The following PLEKHA8 variants were observed in gnomAD, a reference collection of about 807,000 sequenced individuals.
PLEKHA8 encodes pleckstrin homology domain-containing family A member 8.
In PLEKHA8, 36 loss-of-function variants were observed where a neutral mutation model predicts 68.2. The observed-to-expected ratio is 0.53, with a 90% CI of 0.40 to 0.70. PLEKHA8 has a LOEUF of 0.70. PLEKHA8 is among the 30% of genes least tolerant of loss of function. PLEKHA8 has a pLI of 0.00. For missense variants in PLEKHA8, 505 were observed against 615.4 expected (o/e 0.82, Z 1.90); for synonymous variants, 211 against 216.1 (o/e 0.98, Z 0.20).
Position 30,054,759 on chromosome 7 carries a change from G to A in PLEKHA8, c.847G>A (p.Asp283Asn). ...TGGAATGGAAAACCTGAAAAATCAT[G>A]ACAATAACTTGACTCAGTCTGGATC... ...EDGMENLKNH[D>N]NNLTQSGSDS... Residue 283 changes from aspartate to asparagine, a missense_variant, in exon 8 of 14, where the codon GAC (aspartate) becomes AAC (asparagine). Physicochemically the swap from Asp to Asn is conservative, Grantham distance 23 (BLOSUM62 1). Coordinates refer to ENST00000449726, the MANE Select transcript of PLEKHA8 (RefSeq NM_001197026.2). The A allele has an allele frequency of 6.2e-7, 1 of 1,605,660 alleles. No homozygotes were observed.
intron 5 of PLEKHA8, 82 bp downstream of exon 5, chr7:30,049,464 C>G (rs898645050): frequency 2.7e-6 from 4 of 1,494,414 alleles, no homozygotes; most frequent in Non-Finnish European, 3.6e-6. Flanking sequence ...CTCTATTACC[C>G]TTTAGTGACT....
At chr7:30,098,633 G>A (rs7805014) in intron 13 of PLEKHA8, among the ~76,000 whole-genome samples, 5 of 152,248 alleles carry the variant, frequency 3.3e-5, no homozygotes, top group Non-Finnish European at 5.9e-5. Flanking sequence ...CTCCAAGCCA[G>A]GTGCGGGATA....
At chr7:30,034,010 C>CTTTTTTTT (rs56796780) in intron 1 of PLEKHA8, among the ~76,000 whole-genome samples, 5 of 34,662 alleles carry the variant, frequency 1.4e-4, no homozygotes, top group African/African-American at 5.1e-4. Flanking sequence ...TAAGAGGTTT[C>CTTTTTTTT]TTTTTTTTTT....
chr7:30,115,510 A>C (rs966669137), intron 13 of PLEKHA8, among the ~76,000 whole-genome samples: 16 of 147,004 alleles, frequency 1.1e-4, no homozygotes, highest in Non-Finnish European at 2.0e-4. Flanking sequence ...ATACATATGT[A>C]CACATACACG....
intron 13 of PLEKHA8, chr7:30,129,178 A>G (rs1411626096): frequency 7.6e-6 from 12 of 1,573,832 alleles, no homozygotes; most frequent in Non-Finnish European, 6.1e-6. Context: ...AAACAATAAT[A>G]TGTAACAGGA....
chr7:30,029,933 C>G (rs1390052107), intron 1 of PLEKHA8, among the ~76,000 whole-genome samples: 1 of 152,200 alleles, frequency 6.6e-6, no homozygotes, highest in African/African-American at 2.4e-5. Context: ...GTGTAATTAG[C>G]AGTGAGTTCA....
chr7:30,053,892 A>G lies in PLEKHA8; in HGVS notation c.797-817A>G, dbSNP rs141131252. 1.9e-3 allele frequency among the ~76,000 whole-genome samples: 288 copies of G among 152,324 alleles called. 3 individuals carry two copies. Among genetic ancestry groups the G allele is most frequent in the African/African-American group, 6.7e-3 (277 of 41,558 alleles). On this transcript the variant is annotated intron_variant, in intron 7 of 13. Transcript: ENST00000449726. ...TCACAAAATTTTTGTCTACCAATCA[A>G]TACATAACCTTGTTTTATGTGTGTT...
chr7:30,038,972 T>TATA (rs79511951), intron 1 of PLEKHA8, among the ~76,000 whole-genome samples: 21,967 of 151,698 alleles, frequency 0.14, 1,612 homozygotes, highest in Middle Eastern at 0.19. Flanking sequence ...TAGATCCAAA[T>TATA]ATAAGTGCAT....
At chr7:30,130,432 A>C (rs928562858), downstream of PLEKHA8, 1 of 152,214 alleles carries the variant, frequency 6.6e-6, no homozygotes, top group Non-Finnish European at 1.5e-5. Context: ...GGAATCATTG[A>C]AGAAGACAGA....
intron 1 of PLEKHA8, among the ~76,000 whole-genome samples, chr7:30,041,997 G>A (rs1032739178): frequency 2.6e-5 from 4 of 152,132 alleles, no homozygotes; most frequent in South Asian, 2.1e-4. Flanking sequence ...TTGTGGAGGC[G>A]ATTAACATTT....
intron 13 of PLEKHA8, among the ~76,000 whole-genome samples, chr7:30,107,119 G>C (rs1796088310): frequency 6.6e-6 from 1 of 151,902 alleles, no homozygotes; most frequent in South Asian, 2.1e-4. Context: ...ACTGACTTTG[G>C]GAGAAATCGC....
chr7:30,115,963 CATACAT>C (rs1796497122), intron 13 of PLEKHA8: 1 of 141,122 alleles, frequency 7.1e-6, no homozygotes, highest in African/African-American at 2.6e-5. Context: ...TACATGCATG[CATACAT>C]GTGCATGCAT....
intron 13 of PLEKHA8, chr7:30,118,025 G>A: frequency 1.3e-6 from 2 of 1,521,460 alleles, no homozygotes; most frequent in Non-Finnish European, 1.8e-6. Flanking sequence ...AATCAGGCGG[G>A]TGCAGAGTGG....
At chr7:30,114,413 T>C (rs916368958) in intron 13 of PLEKHA8, among the ~76,000 whole-genome samples, 1 of 152,270 alleles carries the variant, frequency 6.6e-6, no homozygotes, top group Non-Finnish European at 1.5e-5. Context: ...TAGGTGATAG[T>C]GACGAGATTT....
chr7:30,116,317 T>C (rs555582986), intron 13 of PLEKHA8, among the ~76,000 whole-genome samples: 17 of 151,942 alleles, frequency 1.1e-4, no homozygotes, highest in Admixed American at 5.9e-4. Flanking sequence ...CATATATACA[T>C]ACACATATGT....
chr7:30,086,813 C>T (rs1315746975), downstream of PLEKHA8, among the ~76,000 whole-genome samples: 1 of 152,140 alleles, frequency 6.6e-6, no homozygotes, highest in African/African-American at 2.4e-5. Context: ...AAGAGCTGCT[C>T]TTTTATGATA....
intron 9 of PLEKHA8, among the ~76,000 whole-genome samples, chr7:30,058,240 A>C (rs1793148132): frequency 6.6e-6 from 1 of 152,124 alleles, no homozygotes. Context: ...CCCCCAGAGC[A>C]TGGCTTGCCT....
chr7:30,034,892 T>G (rs1184291025), intron 1 of PLEKHA8, among the ~76,000 whole-genome samples: 3 of 152,116 alleles, frequency 2.0e-5, no homozygotes, highest in Admixed American at 2.0e-4. Context: ...TTTTCTTGTT[T>G]GTTTTTGGTG....
At chr7:30,047,332 C>G (rs1410996322) in intron 3 of PLEKHA8, among the ~76,000 whole-genome samples, 1 of 152,076 alleles carries the variant, frequency 6.6e-6, no homozygotes, top group Non-Finnish European at 1.5e-5. Context: ...TTAGCCTTGA[C>G]AAGGCAGCAT....
Sources: allele counts gnomAD v4.1 joint callset (sites outside exome capture counted in the v4.1 genomes callset), GRCh38; gene constraint gnomAD v4.1.1; transcripts MANE v1.5; gene names NCBI Gene and HGNC (gene_info 2026-07-23, HGNC 2026-07-21).